The following AXDND1 variants were observed in gnomAD, a reference collection of about 807,000 sequenced individuals.
The protein encoded by AXDND1 is axonemal dynein light chain domain containing 1.
A neutral mutation model predicts 137.5 loss-of-function variants in AXDND1; 110 were observed. The ratio of observed to expected loss-of-function variants is 0.80; its 90% CI spans 0.69 to 0.94. The LOEUF (loss-of-function observed/expected upper bound fraction) is 0.94, where lower values mean the gene tolerates loss of function less well. Ranked by LOEUF, AXDND1 falls within the 40% of genes least tolerant of loss-of-function variation. The pLI, the probability that AXDND1 is intolerant of heterozygous loss-of-function variation, is 0.00. For synonymous variants in AXDND1, 414 were observed against 399.7 expected (o/e 1.04, Z -0.43); for missense variants, 1,191 against 1,169.8 (o/e 1.02, Z -0.26).
intron 12 of AXDND1, among the ~76,000 whole-genome samples, chr1:179,425,917 A>G (rs1203478840): frequency 2.0e-5 from 3 of 149,598 alleles, no homozygotes; most frequent in Non-Finnish European, 4.4e-5. Context: ...GCTCACTGCA[A>G]CCTCTGCCTC....
intron 10 of AXDND1, among the ~76,000 whole-genome samples, chr1:179,394,672 A>G (rs1650772764): frequency 6.6e-6 from 1 of 151,680 alleles, no homozygotes. Flanking sequence ...TGTTAACATT[A>G]TGGATGTTAA....
chr1:179,385,982 G>T (rs1649135275), intron 9 of AXDND1, among the ~76,000 whole-genome samples: 1 of 151,386 alleles, frequency 6.6e-6, no homozygotes, highest in Non-Finnish European at 1.5e-5. Context: ...GAAATCTGCT[G>T]CCATCCTTGT....
chr1:179,382,527 A>G (rs1178091467), intron 6 of AXDND1, among the ~76,000 whole-genome samples, 173 bp from the exon 7 acceptor site: 2 of 152,046 alleles, frequency 1.3e-5, no homozygotes, highest in Non-Finnish European at 2.9e-5. Context: ...TTCATCTTGT[A>G]TTTTCCAACT....
intron 16 of AXDND1, 150 bp downstream of exon 16, chr1:179,445,354 G>A: frequency 3.4e-6 from 2 of 596,830 alleles, no homozygotes; most frequent in Admixed American, 6.8e-5. Flanking sequence ...GCATCACTTT[G>A]AGATATAATT....
At chr1:179,530,156 A>C (rs1005210190) in intron 23 of AXDND1, among the ~76,000 whole-genome samples, 1 of 151,996 alleles carries the variant, frequency 6.6e-6, no homozygotes, top group African/African-American at 2.4e-5. Flanking sequence ...CAGCCTCCCA[A>C]GTACCTGGGA....
chr1:179,435,297 C>A, intron 15 of AXDND1, among the ~76,000 whole-genome samples: 1 of 152,076 alleles, frequency 6.6e-6, no homozygotes, highest in Non-Finnish European at 1.5e-5. Context: ...AATGCTTTTC[C>A]CATCAAGTTA....
chr1:179,392,608 C>G (rs187394702), intron 9 of AXDND1, among the ~76,000 whole-genome samples: 1 of 152,278 alleles, frequency 6.6e-6, no homozygotes, highest in African/African-American at 2.4e-5. Flanking sequence ...TAAAAGTGTT[C>G]TCTTTTCACC....
At chr1:179,537,629 A>G (rs1671682847) in intron 25 of AXDND1, among the ~76,000 whole-genome samples, 1 of 152,224 alleles carries the variant, frequency 6.6e-6, no homozygotes, top group African/African-American at 2.4e-5. Flanking sequence ...ATCAATGTTC[A>G]TCAGGGATAT....
At chr1:179,444,929 G>A (rs765323799) in intron 15 of AXDND1, 41 bp from the exon 16 acceptor site, 3 of 1,408,854 alleles carry the variant, frequency 2.1e-6, no homozygotes, top group South Asian at 1.2e-5. Context: ...AAACTCATTA[G>A]TGGATAATAT....
chr1:179,423,733 A>T (rs1656124950), intron 12 of AXDND1, among the ~76,000 whole-genome samples: 1 of 152,172 alleles, frequency 6.6e-6, no homozygotes, highest in Non-Finnish European at 1.5e-5. Flanking sequence ...AATACGCTTT[A>T]ACTCTATTCT....
intron 4 of AXDND1, among the ~76,000 whole-genome samples, chr1:179,378,415 A>C (rs969116459): frequency 6.6e-6 from 1 of 152,054 alleles, no homozygotes; most frequent in Non-Finnish European, 1.5e-5. Flanking sequence ...GAAAGGAAAG[A>C]GTTTGTGATA....
chr1:179,403,849 T>C (rs1353611546), intron 11 of AXDND1, among the ~76,000 whole-genome samples: 1 of 152,186 alleles, frequency 6.6e-6, no homozygotes, highest in East Asian at 1.9e-4. Context: ...AGTGCTGAGA[T>C]TACAGGCATG....
At chr1:179,462,406 G>A (rs74877180) in intron 16 of AXDND1, among the ~76,000 whole-genome samples, 21,003 of 152,092 alleles carry the variant, frequency 0.14, 1,596 homozygotes, top group East Asian at 0.35. Context: ...CAGCTTCATC[G>A]TGGTGGATAA....
rs1653887017 is a variant in AXDND1 at position 179,411,586 on chromosome 1, T to G, written c.1230+320T>G. Among the ~76,000 whole-genome samples the G allele has an allele frequency of 1.3e-5, 2 of 152,100 alleles. 1 individual carries two copies. The highest frequency in any genetic ancestry group is 4.2e-4 in the South Asian group (2 of 4,814). ...ATATTTATTGATGTATAATGTAACT[T>G]TTGTGGGCTTTGAAAAGGAAAAGTT... On this transcript the variant is annotated intron_variant, in intron 12 of 25. Coordinates refer to ENST00000367618, the MANE Select transcript of AXDND1 (RefSeq NM_144696.6).
chr1:179,434,431 A>T (rs1657839724), intron 15 of AXDND1, among the ~76,000 whole-genome samples: 1 of 152,216 alleles, frequency 6.6e-6, no homozygotes, highest in Non-Finnish European at 1.5e-5. Flanking sequence ...ATCCCTGATG[A>T]ACATTGATGC....
At chr1:179,538,973 T>C (rs181760511) in intron 25 of AXDND1, among the ~76,000 whole-genome samples, 215 of 152,372 alleles carry the variant, frequency 1.4e-3, no homozygotes, top group African/African-American at 5.0e-3. Flanking sequence ...TTTTGATCTT[T>C]GTTGGTTTAA....
chr1:179,536,711 A>G (rs954604699), intron 25 of AXDND1, among the ~76,000 whole-genome samples: 1 of 152,178 alleles, frequency 6.6e-6, no homozygotes, highest in East Asian at 1.9e-4. Context: ...TTTTGGTTCC[A>G]TATGAAATTT....
At chr1:179,415,564 G>C (rs968604679) in intron 12 of AXDND1, among the ~76,000 whole-genome samples, 1 of 152,144 alleles carries the variant, frequency 6.6e-6, no homozygotes, top group African/African-American at 2.4e-5. Flanking sequence ...TCGCAGAACT[G>C]TGAAACCATC....
chr1:179,525,992 A>G (rs1670499723), intron 22 of AXDND1, among the ~76,000 whole-genome samples: 1 of 152,138 alleles, frequency 6.6e-6, no homozygotes, highest in Non-Finnish European at 1.5e-5. Context: ...TCCCTTCTAA[A>G]TCCAGCCATT....
Sources: allele counts gnomAD v4.1 joint callset (sites outside exome capture counted in the v4.1 genomes callset), GRCh38; gene constraint gnomAD v4.1.1; transcripts MANE v1.5; gene names NCBI Gene and HGNC (gene_info 2026-07-23, HGNC 2026-07-21).